Variants in NEO1 observed in about 807,000 individuals in gnomAD.
The protein encoded by NEO1 is neogenin.
NEO1 carries 63 observed loss-of-function variants against 159.7 expected under a neutral mutation model. The ratio of observed to expected loss-of-function variants is 0.39; its 90% CI spans 0.32 to 0.49. The LOEUF is 0.49. Ranked by LOEUF, NEO1 falls within the 20% of genes least tolerant of loss-of-function variation. The probability of loss-of-function intolerance (pLI) is 0.85; values close to 1 mark genes in which losing one functional copy is unlikely to be tolerated. For missense variants in NEO1, 1,615 were observed against 1,831.0 expected, an observed-to-expected ratio of 0.88 and a Z score of 2.15; for synonymous variants, 633 against 662.0, an observed-to-expected ratio of 0.96 and a Z score of 0.67.
intron 5 of NEO1, 33 bp from the exon 6 acceptor site, chr15:73,176,370 C>G: frequency 1.4e-6 from 2 of 1,418,022 alleles, no homozygotes; most frequent in Non-Finnish European, 1.9e-6. Context: ...GTTCTATTTT[C>G]ATTAATGTCT....
intron 8 of NEO1, among the ~76,000 whole-genome samples, chr15:73,238,279 T>G (rs867213842): frequency 9.2e-4 from 69 of 75,082 alleles, no homozygotes; most frequent in Non-Finnish European, 2.0e-3. Flanking sequence ...GGGTTTTTTT[T>G]TTTTTTTTTT....
At chr15:73,172,148 T>C (rs2035014582) in intron 5 of NEO1, among the ~76,000 whole-genome samples, 1 of 152,190 alleles carries the variant, frequency 6.6e-6, no homozygotes, top group Admixed American at 6.5e-5. Context: ...TTGATAATTG[T>C]TGAATCAACG....
chr15:73,252,577 G>T (rs2040133211), intron 11 of NEO1, among the ~76,000 whole-genome samples: 1 of 152,150 alleles, frequency 6.6e-6, no homozygotes, highest in Non-Finnish European at 1.5e-5. Context: ...CCACAAGAAA[G>T]CCAGGCTTAC....
chr15:73,067,702 C>T (rs1337373237), intron 1 of NEO1, among the ~76,000 whole-genome samples: 8 of 147,278 alleles, frequency 5.4e-5, no homozygotes, highest in Admixed American at 1.3e-4. Flanking sequence ...CTGCAAGCTC[C>T]GCCTCCCAGG....
chr15:73,261,497 T>C (rs1407175687), intron 15 of NEO1, among the ~76,000 whole-genome samples: 1 of 152,112 alleles, frequency 6.6e-6, no homozygotes, highest in Non-Finnish European at 1.5e-5. Context: ...AAAGTGAATA[T>C]ACAAAAACAG....
chr15:73,059,215 C>T (rs551031302), intron 1 of NEO1, among the ~76,000 whole-genome samples: 15 of 152,078 alleles, frequency 9.9e-5, no homozygotes, highest in Middle Eastern at 3.4e-3. Flanking sequence ...GTTTTGATTC[C>T]CTGTCTGACC....
intron 5 of NEO1, among the ~76,000 whole-genome samples, chr15:73,168,503 A>G (rs1693367945): frequency 6.6e-6 from 1 of 151,958 alleles, no homozygotes; most frequent in African/African-American, 2.4e-5. Flanking sequence ...TGGCCGAGAA[A>G]TACTTTTAAT....
chr15:73,125,696 A>C (rs1209175969), intron 3 of NEO1, among the ~76,000 whole-genome samples: 1 of 152,138 alleles, frequency 6.6e-6, no homozygotes, highest in Non-Finnish European at 1.5e-5. Context: ...TCATGTATTC[A>C]CAAGAGGACA....
intron 5 of NEO1, among the ~76,000 whole-genome samples, chr15:73,156,960 G>A (rs968841261): frequency 2.6e-5 from 4 of 152,154 alleles, no homozygotes; most frequent in Admixed American, 2.6e-4. Flanking sequence ...TCTTAACATG[G>A]GTATGGAGGG....
At chr15:73,292,940 C>T (rs2042213513) in intron 25 of NEO1, among the ~76,000 whole-genome samples, 1 of 152,212 alleles carries the variant, frequency 6.6e-6, no homozygotes, top group African/African-American at 2.4e-5. Flanking sequence ...AAAGAAGGGA[C>T]TTCTTTCTAT....
At chr15:73,278,032 T>A (rs2041496762) in intron 21 of NEO1, 99 bp from the exon 22 acceptor site, 12 of 1,019,826 alleles carry the variant, frequency 1.2e-5, no homozygotes, top group Non-Finnish European at 1.6e-5. Context: ...CAGAATAGAC[T>A]AAAAATTGTG....
At chr15:73,069,008 A>G (rs2151301617) in intron 1 of NEO1, among the ~76,000 whole-genome samples, 1 of 151,362 alleles carries the variant, frequency 6.6e-6, no homozygotes, top group East Asian at 1.9e-4. Flanking sequence ...GCTGGAGTGC[A>G]ATGGGGTAAT....
Position 73,120,043 on chromosome 15 carries a change from G to A in NEO1, c.449-2482G>A, listed in dbSNP as rs369571527. Among the ~76,000 whole-genome samples the A allele has an allele frequency of 1.3e-4, 20 of 152,248 alleles. No individual in the cohort carries two copies. In the South Asian group the frequency reaches 4.1e-3, roughly 32 times the overall value. On this transcript the variant is annotated intron_variant, in intron 2 of 28. Transcript: ENST00000261908. ...CCCAGCTACTTGGGAGGCTGAGGCAGGAGAATTGTTTGAACCCTGGAGGCA... is the reference window on the plus strand; with the variant it reads ...CCCAGCTACTTGGGAGGCTGAGGCAAGAGAATTGTTTGAACCCTGGAGGCA...
At chr15:73,302,443 C>T (rs1455994347) in intron 28 of NEO1, among the ~76,000 whole-genome samples, 170 bp from the exon 29 acceptor site, 1 of 152,110 alleles carries the variant, frequency 6.6e-6, no homozygotes, top group Non-Finnish European at 1.5e-5. Flanking sequence ...TCCTAGTGAC[C>T]TTGGGTCTAT....
At chr15:73,154,910 A>C (rs1472997230) in intron 5 of NEO1, among the ~76,000 whole-genome samples, 2 of 151,426 alleles carry the variant, frequency 1.3e-5, no homozygotes, top group Non-Finnish European at 2.9e-5. Flanking sequence ...TTGTTTTATA[A>C]ATTTGTTGTT....
chr15:73,052,974 G>A (rs2067527688), intron 1 of NEO1, among the ~76,000 whole-genome samples, 169 bp downstream of exon 1: 1 of 151,836 alleles, frequency 6.6e-6, no homozygotes, highest in Non-Finnish European at 1.5e-5. Flanking sequence ...GAGGAGAAGG[G>A]CGAGAGGGGG....
intron 5 of NEO1, among the ~76,000 whole-genome samples, chr15:73,158,060 A>C (rs1489589297): frequency 1.3e-5 from 2 of 152,016 alleles, no homozygotes; most frequent in Admixed American, 1.3e-4. Context: ...TACTAAAAAT[A>C]CAGAAATTAG....
intron 15 of NEO1, among the ~76,000 whole-genome samples, chr15:73,262,617 A>G (rs925713310): frequency 6.6e-6 from 1 of 152,236 alleles, no homozygotes; most frequent in African/African-American, 2.4e-5. Context: ...AATATCAACA[A>G]GGATACAGAA....
rs540529798 is a variant in NEO1 at position 73,109,387 on chromosome 15, A to G, written c.131-7153A>G. ...GGAGAAAATGTTAGATACAGAGAGA[A>G]ATTAAGCAACTAGCACACAAGGGCT... is the stretch of plus-strand genomic sequence containing the variant. On this transcript the variant is annotated intron_variant, in intron 1 of 28. Transcript: ENST00000261908. Among the ~76,000 whole-genome samples the G allele has an allele frequency of 2.1e-3, 320 of 152,284 alleles. 2 individuals are homozygous for G. Among genetic ancestry groups the G allele is most frequent in the African/African-American group, 7.3e-3 (305 of 41,564 alleles).
Sources: allele counts gnomAD v4.1 joint callset (sites outside exome capture counted in the v4.1 genomes callset), GRCh38; gene constraint gnomAD v4.1.1; transcripts MANE v1.5; gene names NCBI Gene and HGNC (gene_info 2026-07-23, HGNC 2026-07-21).